ST6GALNAC5: variants seen among roughly 807,000 people sequenced by gnomAD.
The protein encoded by ST6GALNAC5 is alpha-N-acetylgalactosaminide alpha-2,6-sialyltransferase 5.
In ST6GALNAC5, 27 loss-of-function variants were observed where a neutral mutation model predicts 33.6. The observed-to-expected ratio is 0.80, with a 90% CI of 0.59 to 1.11. The LOEUF (loss-of-function observed/expected upper bound fraction) is 1.11, where lower values mean the gene tolerates loss of function less well. Ranked by LOEUF, ST6GALNAC5 falls within the 50% of genes least tolerant of loss-of-function variation. ST6GALNAC5 has a pLI of 0.00. For missense variants in ST6GALNAC5, 428 were observed against 454.0 expected, an observed-to-expected ratio of 0.94 and a Z score of 0.52; for synonymous variants, 194 against 171.2, an observed-to-expected ratio of 1.13 and a Z score of -1.04.
intron 2 of ST6GALNAC5, among the ~76,000 whole-genome samples, chr1:76,990,347 G>C (rs1649675957): frequency 6.6e-6 from 1 of 152,176 alleles, no homozygotes; most frequent in Non-Finnish European, 1.5e-5. Flanking sequence ...GCTGATTTAT[G>C]GAACTTTTCC....
rs138599276 is a variant in ST6GALNAC5, at chr1:77,040,372, C to T, written c.262-3832C>T. On this transcript the variant is annotated intron_variant, in intron 2 of 4. Coordinates refer to ENST00000477717, the MANE Select transcript of ST6GALNAC5 (RefSeq NM_030965.3). ...TGATGCATCTGCACAACTCAAAGAA[C>T]GAGTGTTAGTGTCTGACATAATCAA... is the stretch of plus-strand genomic sequence containing the variant. Among the ~76,000 whole-genome samples, 441 of 152,286 alleles carry T rather than the reference C, an allele frequency of 2.9e-3. 2 individuals are homozygous for T. The highest frequency in any genetic ancestry group is 0.01 in the African/African-American group (416 of 41,568).
At chr1:77,022,192 G>A (rs890831744) in intron 2 of ST6GALNAC5, among the ~76,000 whole-genome samples, 1 of 152,040 alleles carries the variant, frequency 6.6e-6, no homozygotes, top group East Asian at 1.9e-4. Flanking sequence ...AGGAGGTTGC[G>A]AACACCTCTC....
At chr1:76,938,878 ATAT>A (rs1419277836) in intron 2 of ST6GALNAC5, among the ~76,000 whole-genome samples, 2 of 152,104 alleles carry the variant, frequency 1.3e-5, no homozygotes, top group Non-Finnish European at 2.9e-5. Context: ...AACATTCCAA[ATAT>A]TATTAATTTT....
At chr1:76,872,068 AACACACACACACACAC>A (rs66721550) in intron 2 of ST6GALNAC5, among the ~76,000 whole-genome samples, 10,475 of 130,272 alleles carry the variant, frequency 0.08, 456 homozygotes, top group South Asian at 0.2. Flanking sequence ...TAACCAAGCT[AACACACACACACACAC>A]ACACACACAC....
At chr1:76,936,975 T>TGTGTGTGC (rs1647212857) in intron 2 of ST6GALNAC5, among the ~76,000 whole-genome samples, 1 of 151,488 alleles carries the variant, frequency 6.6e-6, no homozygotes, top group Non-Finnish European at 1.5e-5. Context: ...TGTGTGTGTG[T>TGTGTGTGC]GTGTGTGTGT....
chr1:77,028,286 G>T (rs114173309), intron 2 of ST6GALNAC5, among the ~76,000 whole-genome samples: 2,065 of 152,198 alleles, frequency 0.014, 51 homozygotes, highest in African/African-American at 0.047. Flanking sequence ...CTGAAAAACC[G>T]AAACAAAACT....
At chr1:76,928,315 G>A (rs1471488878) in intron 2 of ST6GALNAC5, among the ~76,000 whole-genome samples, 2 of 152,096 alleles carry the variant, frequency 1.3e-5, no homozygotes, top group Admixed American at 1.3e-4. Context: ...GCAATGTGAT[G>A]TATTATAGCC....
At chr1:77,003,744 C>T (rs1043593964) in intron 2 of ST6GALNAC5, among the ~76,000 whole-genome samples, 129 of 151,288 alleles carry the variant, frequency 8.5e-4, no homozygotes, top group African/African-American at 2.8e-3. Flanking sequence ...TTCTCCTTCA[C>T]TTATGAAGCT....
At chr1:76,916,308 C>T (rs1181333509) in intron 2 of ST6GALNAC5, among the ~76,000 whole-genome samples, 1 of 152,128 alleles carries the variant, frequency 6.6e-6, no homozygotes, top group African/African-American at 2.4e-5. Context: ...TCCCTTGTTC[C>T]ACATTTTGAA....
chr1:76,922,009 A>G (rs919660688), intron 2 of ST6GALNAC5, among the ~76,000 whole-genome samples: 1 of 152,168 alleles, frequency 6.6e-6, no homozygotes, highest in African/African-American at 2.4e-5. Context: ...CCAACCACTG[A>G]AATAAGGTAA....
At chr1:77,052,917 CAAAA>C (rs34398611) in intron 4 of ST6GALNAC5, among the ~76,000 whole-genome samples, 2 of 69,972 alleles carry the variant, frequency 2.9e-5, no homozygotes, top group Admixed American at 1.7e-4. Flanking sequence ...GGCTCTGTCT[CAAAA>C]AAAAAAAAAA....
chr1:76,959,975 G>A (rs1255169450), intron 2 of ST6GALNAC5, among the ~76,000 whole-genome samples: 2 of 152,122 alleles, frequency 1.3e-5, no homozygotes, highest in Non-Finnish European at 2.9e-5. Flanking sequence ...CACCTGAGCG[G>A]GAGTGGGTAG....
chr1:77,011,145 C>CA (rs1483839292), intron 2 of ST6GALNAC5, among the ~76,000 whole-genome samples: 2 of 143,210 alleles, frequency 1.4e-5, no homozygotes, highest in African/African-American at 5.2e-5. Context: ...TCTGCCACAA[C>CA]AGAAGCAGTA....
intron 2 of ST6GALNAC5, among the ~76,000 whole-genome samples, chr1:76,953,432 G>A (rs189418011): frequency 1.3e-4 from 20 of 152,212 alleles, no homozygotes; most frequent in South Asian, 8.3e-4. Context: ...GGATAACGAC[G>A]TTGGACATCT....
chr1:77,054,675 C>T (rs1340925904), intron 4 of ST6GALNAC5, among the ~76,000 whole-genome samples: 1 of 152,038 alleles, frequency 6.6e-6, no homozygotes, highest in East Asian at 1.9e-4. Context: ...AGCAAACTGC[C>T]AAGCAATCCG....
Position 76,980,725 on chromosome 1 carries a change from A to T in ST6GALNAC5, c.262-63479A>T, listed in dbSNP as rs187442497. Among the ~76,000 whole-genome samples, 476 of 152,326 alleles carry T rather than the reference A, an allele frequency of 3.1e-3. 3 individuals carry two copies. Among genetic ancestry groups the T allele is most frequent in the African/African-American group, 0.011 (455 of 41,574 alleles). On this transcript the variant is annotated intron_variant, in intron 2 of 4. Transcript: ENST00000477717. ...CTCCATACACAAAAATTAACTCATAATGAATCAAAGAGCTAAATGTAAGAA... is the reference window on the plus strand; with the variant it reads ...CTCCATACACAAAAATTAACTCATATTGAATCAAAGAGCTAAATGTAAGAA...
intron 2 of ST6GALNAC5, among the ~76,000 whole-genome samples, chr1:76,982,703 C>T (rs1649307339): frequency 1.3e-5 from 2 of 151,834 alleles, no homozygotes; most frequent in South Asian, 2.1e-4. Flanking sequence ...CCCCAAGACA[C>T]ATAATTGTCA....
intron 2 of ST6GALNAC5, among the ~76,000 whole-genome samples, chr1:76,945,388 CCAAA>C: frequency 6.6e-6 from 1 of 151,872 alleles, no homozygotes; most frequent in East Asian, 1.9e-4. Context: ...CAGACAAAAC[CCAAA>C]CAAACAAAAA....
At chr1:76,912,422 C>G (rs1646923790) in intron 2 of ST6GALNAC5, among the ~76,000 whole-genome samples, 1 of 151,898 alleles carries the variant, frequency 6.6e-6, no homozygotes, top group East Asian at 1.9e-4. Flanking sequence ...GTGGAGAGTT[C>G]TGTAGATGTC....
Sources: gnomAD v4.1 joint callset for allele counts (sites outside exome capture counted in the v4.1 genomes callset) on GRCh38, gnomAD v4.1.1 for gene constraint, MANE v1.5 for transcripts, NCBI Gene and HGNC (gene_info 2026-07-23, HGNC 2026-07-21) for gene names.